MYO15B: variants seen among roughly 807,000 people sequenced by gnomAD.
MYO15B encodes the protein myosin XVB.
MYO15B carries 207 observed loss-of-function variants against 119.3 expected under a neutral mutation model. The ratio of observed to expected loss-of-function variants is 1.73; its 90% CI spans 1.55 to 1.95. The LOEUF is 1.95. Ranked by LOEUF, MYO15B falls within the 30% of genes most tolerant of loss-of-function variation. MYO15B has a pLI of 0.00. For synonymous variants in MYO15B, 966 were observed against 498.9 expected, an observed-to-expected ratio of 1.94 and a Z score of -12.48; for missense variants, 2,264 against 1,203.1, an observed-to-expected ratio of 1.88 and a Z score of -13.04.
intron 14 of MYO15B, among the ~76,000 whole-genome samples, chr17:75,601,002 C>T (rs1210654715): frequency 6.6e-6 from 1 of 150,954 alleles, no homozygotes; most frequent in Non-Finnish European, 1.5e-5. Context: ...CTCCTGGGTT[C>T]AAGTGATTCT....
exon 13 of MYO15B, chr17:75,596,481 G>A (rs1311668709): frequency 5.7e-6 from 4 of 701,168 alleles, no homozygotes; most frequent in Non-Finnish European, 1.0e-5. Context: ...GAATGGCCTG[G>A]AGCAACTGTG....
Position 75,591,965 on chromosome 17 carries a change from C to A in MYO15B, c.2548-12C>A, listed in dbSNP as rs1165668511. On this transcript the variant is annotated splice_polypyrimidine_tract_variant and intron_variant, in intron 5 of 63. Transcript: ENST00000645453. ...GCTGCCCAGGGATGCTTGAACACCC[C>A]TCCCTGTACAGGTGGAGGATATGCT... 1.4e-6 allele frequency: 1 copy of A among 701,910 alleles called. No individual in the cohort carries two copies. Among genetic ancestry groups the A allele is most frequent in the Admixed American group, 2.0e-5 (1 of 49,984 alleles). 43.5% of individuals were successfully genotyped at this position (701,910 alleles called of 1,614,324 possible).
At chr17:75,593,959 A>G (rs2056663645) in intron 9 of MYO15B, among the ~76,000 whole-genome samples, 1 of 150,236 alleles carries the variant, frequency 6.7e-6, no homozygotes, top group African/African-American at 2.4e-5. Flanking sequence ...GCATGGTGGC[A>G]TGTGCCTGTA....
chr17:75,588,137 C>G, exon 1 of MYO15B: 1 of 398,114 alleles, frequency 2.5e-6, no homozygotes, highest in East Asian at 3.6e-5. Flanking sequence ...GAGTCGGGGT[C>G]GGCCAGCGCG....
At chr17:75,620,159 C>G (rs820153) in intron 47 of MYO15B, 87 bp from the exon 48 acceptor site, 294,730 of 694,840 alleles carry the variant, frequency 0.42, 63,347 homozygotes, top group East Asian at 0.56. Flanking sequence ...GGTGGAGGGG[C>G]AGGCCAGCAG....
At chr17:75,620,609 G>A (rs1212470229) in exon 49 of MYO15B, 1 of 702,226 alleles carries the variant, frequency 1.4e-6, no homozygotes, top group South Asian at 1.5e-5. Context: ...GGGAACCAGG[G>A]CTGGCTCGGT....
chr17:75,615,581 A>G, exon 35 of MYO15B: 1 of 701,220 alleles, frequency 1.4e-6, no homozygotes, highest in Non-Finnish European at 2.6e-6. Flanking sequence ...AACTTTATCC[A>G]GCAGCAGGCG....
intron 49 of MYO15B, 119 bp from the exon 50 acceptor site, chr17:75,620,912 C>T: frequency 1.4e-6 from 1 of 702,268 alleles, no homozygotes; most frequent in Non-Finnish European, 2.6e-6. Flanking sequence ...CAGCTCTTCA[C>T]TTTCCTGGCT....
At chr17:75,596,274 C>T (rs1436642564) in intron 12 of MYO15B, 186 bp from the exon 13 acceptor site, 5 of 590,112 alleles carry the variant, frequency 8.5e-6, no homozygotes, top group African/African-American at 1.9e-5. Context: ...GCTAGAGGGA[C>T]CTGTGGCTGG....
At chr17:75,588,347 G>A in exon 1 of MYO15B, 2 of 398,562 alleles carry the variant, frequency 5.0e-6, no homozygotes, top group Non-Finnish European at 8.8e-6. Context: ...AACGCGCAGC[G>A]TCAGGGACGC....
chr17:75,619,450 T>C (rs568488112), exon 45 of MYO15B: 1 of 702,536 alleles, frequency 1.4e-6, no homozygotes, highest in East Asian at 2.7e-5. Context: ...CTGGGCCAAT[T>C]ACTTCTCCCG....
chr17:75,615,653 C>G (rs559280288), intron 35 of MYO15B, 40 bp from the exon 36 acceptor site: 19 of 670,620 alleles, frequency 2.8e-5, no homozygotes, highest in South Asian at 2.1e-4. Context: ...GTCTGTGGCT[C>G]GGGGATGAGG....
At chr17:75,614,734 G>T in intron 31 of MYO15B, 39 bp from the exon 32 acceptor site, 1 of 702,674 alleles carries the variant, frequency 1.4e-6, no homozygotes, top group Non-Finnish European at 2.6e-6. Context: ...GAAGCCCCAC[G>T]CCCCGGGCCA....
chr17:75,621,764 CTG>C, intron 52 of MYO15B, 194 bp downstream of exon 52: 1 of 601,468 alleles, frequency 1.7e-6, no homozygotes, highest in Non-Finnish European at 3.0e-6. Flanking sequence ...TGTGTGGAGT[CTG>C]GGGTTGGAAG....
chr17:75,599,848 TCGTG>T (rs1390542362), intron 14 of MYO15B, among the ~76,000 whole-genome samples: 5 of 149,512 alleles, frequency 3.3e-5, no homozygotes, highest in African/African-American at 1.2e-4. Context: ...TGAGCCGAGA[TCGTG>T]CCACTGCACT....
chr17:75,625,391 G>A, intron 60 of MYO15B, 136 bp from the exon 61 acceptor site: 2 of 650,274 alleles, frequency 3.1e-6, no homozygotes, highest in Non-Finnish European at 5.6e-6. Flanking sequence ...CTCCTCTGGT[G>A]CAGGACCCTC....
chr17:75,602,557 C>T, exon 16 of MYO15B: 1 of 695,116 alleles, frequency 1.4e-6, no homozygotes, highest in Middle Eastern at 2.3e-4. Flanking sequence ...CAGCTGGACC[C>T]TGCTGTGGTG....
rs1426675520 is a variant in MYO15B at position 75,618,435 on chromosome 17, A to G, written c.6987+250A>G. On this transcript the variant is annotated intron_variant, in intron 43 of 63. Coordinates refer to ENST00000645453, the Ensembl canonical transcript of MYO15B. ...TTTGGGAGGCCAAGGCAGGTGGATCATGAGGTCAGGAGTTCGAGACCAGTC... is the reference window on the plus strand; with the variant it reads ...TTTGGGAGGCCAAGGCAGGTGGATCGTGAGGTCAGGAGTTCGAGACCAGTC... 2.0e-5 allele frequency among the ~76,000 whole-genome samples: 3 copies of G among 152,180 alleles called. No homozygotes were observed. The East Asian group carries it at 5.8e-4, about 29-fold the overall frequency.
chr17:75,614,401 C>G, intron 30 of MYO15B, 41 bp downstream of exon 30: 1 of 692,736 alleles, frequency 1.4e-6, no homozygotes, highest in Non-Finnish European at 2.6e-6. Context: ...CCTGCTCCTG[C>G]CGGGGAACCC....
Sources: allele counts gnomAD v4.1 joint callset (sites outside exome capture counted in the v4.1 genomes callset), GRCh38; gene constraint gnomAD v4.1.1; transcripts MANE v1.5; gene names NCBI Gene and HGNC (gene_info 2026-07-23, HGNC 2026-07-21).